Variants in DYNC2H1 observed in about 807,000 individuals in gnomAD.
The protein encoded by DYNC2H1 is cytoplasmic dynein 2 heavy chain 1.
A neutral mutation model predicts 570.0 loss-of-function variants in DYNC2H1; 410 were observed. The ratio of observed to expected loss-of-function variants is 0.72; its 90% CI spans 0.66 to 0.78. The LOEUF (loss-of-function observed/expected upper bound fraction) is 0.78, where lower values mean the gene tolerates loss of function less well. DYNC2H1 is among the 30% of genes least tolerant of loss of function. DYNC2H1 has a pLI of 0.00. For missense variants in DYNC2H1, 4,865 were observed against 5,046.4 expected (o/e 0.96, Z 1.09); for synonymous variants, 1,688 against 1,677.6 (o/e 1.01, Z -0.15).
intron 83 of DYNC2H1, among the ~76,000 whole-genome samples, chr11:103,362,548 G>A (rs1163964403): frequency 6.6e-6 from 1 of 151,790 alleles, no homozygotes; most frequent in African/African-American, 2.4e-5. Context: ...TTTTACAACT[G>A]TTGATATAAT....
At chr11:103,221,933 T>G in intron 57 of DYNC2H1, 97 bp from the exon 58 acceptor site, 1 of 1,258,482 alleles carries the variant, frequency 7.9e-7, no homozygotes, top group Non-Finnish European at 1.1e-6. Context: ...AACTAATGGA[T>G]TAAAAGTATT....
intron 59 of DYNC2H1, among the ~76,000 whole-genome samples, chr11:103,224,734 A>G (rs1863738114): frequency 6.6e-6 from 1 of 152,172 alleles, no homozygotes; most frequent in African/African-American, 2.4e-5. Context: ...TCTTTTCCAT[A>G]TAATGCCTTC....
At chr11:103,253,803 A>T (rs912479593) in intron 66 of DYNC2H1, among the ~76,000 whole-genome samples, 1 of 152,100 alleles carries the variant, frequency 6.6e-6, no homozygotes, top group Non-Finnish European at 1.5e-5. Context: ...TAGCTAATTG[A>T]CTTGTTCAGC....
chr11:103,320,132 T>TA (rs747761474), intron 80 of DYNC2H1, among the ~76,000 whole-genome samples: 3 of 152,228 alleles, frequency 2.0e-5, no homozygotes, highest in Non-Finnish European at 4.4e-5. Flanking sequence ...ATTTAATTCT[T>TA]ACATTTTAAC....
intron 85 of DYNC2H1, among the ~76,000 whole-genome samples, chr11:103,451,275 A>T (rs1366938648): frequency 6.8e-6 from 1 of 147,112 alleles, no homozygotes; most frequent in East Asian, 2.0e-4. Flanking sequence ...TAATGTCTTC[A>T]TTATTCCCTT....
At chr11:103,368,920 G>C (rs1941028437) in intron 83 of DYNC2H1, among the ~76,000 whole-genome samples, 1 of 151,962 alleles carries the variant, frequency 6.6e-6, no homozygotes, top group Non-Finnish European at 1.5e-5. Context: ...AGAATAGAAG[G>C]CTCCACCAGT....
At chr11:103,283,284 A>AT (rs1268844259) in intron 73 of DYNC2H1, among the ~76,000 whole-genome samples, 199 bp downstream of exon 73, 1 of 151,936 alleles carries the variant, frequency 6.6e-6, no homozygotes, top group East Asian at 1.9e-4. Context: ...ATGAAATAGC[A>AT]TGCCTTCCAA....
chr11:103,231,253 A>G lies in DYNC2H1; in HGVS notation c.9354-7A>G, dbSNP rs746363511. 16 of 1,569,316 alleles carry G rather than the reference A, an allele frequency of 1.0e-5. No individual in the cohort carries two copies. In the South Asian group the frequency reaches 1.5e-4, roughly 15 times the overall value. On this transcript the variant is annotated splice_region_variant and splice_polypyrimidine_tract_variant and intron_variant, in intron 59 of 88. Transcript: ENST00000375735. ...AATGACTTGTATAATATTGAGTTAT[A>G]TTTTAGGAATCTGAAGAAAACTGAA...
At chr11:103,115,879 A>G (rs1171457664) in intron 4 of DYNC2H1, among the ~76,000 whole-genome samples, 1 of 152,216 alleles carries the variant, frequency 6.6e-6, no homozygotes, top group African/African-American at 2.4e-5. Context: ...ATGCACAGGT[A>G]ATACGTTCTT....
chr11:103,156,741 A>G lies in DYNC2H1; in HGVS notation c.4098A>G (p.Thr1366=). ...GTGGAGCATTGCCAAAAGAACAGAC[A>G]CGCTTCAACAGAGTTGATGAAGATT... ...FGRGALPKEQ[T]RFNRVDEDFR... is the part of the protein sequence containing the mutation. The change falls in exon 26 of 89, where the codon ACA becomes ACG. Residue 1366 remains threonine (T), a synonymous_variant. Transcript: ENST00000375735. 6.2e-7 allele frequency: 1 copy of G among 1,612,296 alleles called. No homozygotes were observed. Among genetic ancestry groups the G allele is most frequent in the Non-Finnish European group, 8.5e-7 (1 of 1,179,434 alleles).
intron 84 of DYNC2H1, chr11:103,405,763 C>T (rs1273517693): frequency 1.3e-5 from 2 of 151,980 alleles, no homozygotes; most frequent in African/African-American, 4.8e-5. Context: ...TATTCCCACT[C>T]ATGCGCCAAA....
At chr11:103,390,510 A>G (rs1942096957) in intron 83 of DYNC2H1, among the ~76,000 whole-genome samples, 1 of 152,036 alleles carries the variant, frequency 6.6e-6, no homozygotes. Flanking sequence ...TAAGGTTAGT[A>G]TTGTTATGTG....
In DYNC2H1 at chr11:103,319,459, A is replaced by G. The variant is rs936422274; in HGVS notation, c.11726-1570A>G. ...TTTCCTGATCTTTAAATTAGGAATG[A>G]TAGTAGACACTATCTCAGTTTATTC... On this transcript the variant is annotated intron_variant, in intron 80 of 88. Coordinates refer to ENST00000375735, the MANE Select transcript of DYNC2H1 (RefSeq NM_001377.3). This position sits in a 1 kb window ranked among gnomAD's most constrained non-coding sequence, Gnocchi z 4.3. Among the ~76,000 whole-genome samples the G allele has an allele frequency of 4.6e-5, 7 of 152,186 alleles. No homozygotes were observed. Among genetic ancestry groups the G allele is most frequent in the African/African-American group, 1.7e-4 (7 of 41,460 alleles).
chr11:103,253,829 G>T (rs577737446), intron 66 of DYNC2H1, among the ~76,000 whole-genome samples: 1 of 152,218 alleles, frequency 6.6e-6, no homozygotes, highest in East Asian at 1.9e-4. Flanking sequence ...AAGAGTCTTT[G>T]ATTCCTGAGC....
At chr11:103,387,142 C>T (rs2135594947) in intron 83 of DYNC2H1, among the ~76,000 whole-genome samples, 1 of 152,292 alleles carries the variant, frequency 6.6e-6, no homozygotes, top group South Asian at 2.1e-4. Context: ...TCCTATTTCT[C>T]CACATCCTCT....
chr11:103,173,302 C>T lies in DYNC2H1; in HGVS notation c.5555C>T (p.Ser1852Phe). ...AAATTGGTAGCTATTTTCAATCTAT[C>T]TAGGTGAGTTTTCTTGTTCTAAATA... ...SRKLVAIFNL[S>F]RELLTPQQHY... is the part of the protein sequence containing the mutation. The change falls in exon 35 of 89, where the codon TCT (serine) becomes TTT (phenylalanine). Residue 1852 changes from serine (S) to phenylalanine (F), a missense_variant. By Grantham distance (155) the Ser-to-Phe change is radical. Coordinates refer to ENST00000375735, the MANE Select transcript of DYNC2H1 (RefSeq NM_001377.3). 6.4e-7 allele frequency: 1 copy of T among 1,550,536 alleles called. No homozygotes were observed. The highest frequency in any genetic ancestry group is 8.7e-7 in the Non-Finnish European group (1 of 1,153,500).
chr11:103,375,792 G>A (rs1941367196), intron 83 of DYNC2H1, among the ~76,000 whole-genome samples: 1 of 152,182 alleles, frequency 6.6e-6, no homozygotes, highest in Non-Finnish European at 1.5e-5. Flanking sequence ...AGGTGGAAGG[G>A]ACTTGCCTTG....
rs776618606 is a variant in DYNC2H1, at chr11:103,479,211, GTGGA to G, written c.12884_12887del (p.Trp4295PhefsTer9). 1.2e-6 allele frequency: 2 copies of G among 1,613,850 alleles called. No individual in the cohort carries two copies. Among genetic ancestry groups the G allele is most frequent in the Admixed American group, 3.3e-5 (2 of 60,010 alleles). On this transcript the variant is annotated frameshift_variant, in exon 89 of 89. Transcript: ENST00000375735. LOFTEE classifies it high-confidence loss of function. ...TTCCATGTGGGGGCAACCAAGACCA[GTGGA>G]TTCAGTGTGGAGCAGCTCTATTCCT...
intron 47 of DYNC2H1, among the ~76,000 whole-genome samples, chr11:103,193,724 T>C (rs929778308): frequency 6.6e-6 from 1 of 151,902 alleles, no homozygotes; most frequent in African/African-American, 2.4e-5. Context: ...TGTATTTTTT[T>C]TTTAGTAGAG....
Sources: allele counts gnomAD v4.1 joint callset (sites outside exome capture counted in the v4.1 genomes callset), GRCh38; gene constraint gnomAD v4.1.1; non-coding constraint Gnocchi (gnomAD v3.1); transcripts MANE v1.5; gene names NCBI Gene and HGNC (gene_info 2026-07-23, HGNC 2026-07-21).